Variants in NOL4 observed in about 807,000 individuals in gnomAD.
NOL4 encodes the protein nucleolar protein 4.
In NOL4, 17 loss-of-function variants were observed where a neutral mutation model predicts 75.9. The ratio of observed to expected loss-of-function variants is 0.22; its 90% confidence interval spans 0.15 to 0.34. The LOEUF (loss-of-function observed/expected upper bound fraction) is 0.34. Ranked by LOEUF, NOL4 falls within the 10% of genes least tolerant of loss-of-function variation. The pLI, the probability that NOL4 is intolerant of heterozygous loss-of-function variation, is 1.00. For synonymous variants in NOL4, 292 were observed against 289.9 expected, an observed-to-expected ratio of 1.01 and a Z score of -0.07; for missense variants, 614 against 793.5, an observed-to-expected ratio of 0.77 and a Z score of 2.72.
At chr18:34,121,065 GA>G (rs532084582) in intron 2 of NOL4, among the ~76,000 whole-genome samples, 34 of 152,236 alleles carry the variant, frequency 2.2e-4, no homozygotes, top group African/African-American at 7.5e-4. Context: ...TATATTAGAT[GA>G]AAAAATAAGT....
In NOL4 at chr18:34,187,360, T is replaced by G. The variant is rs1284107583; in HGVS notation, c.264+35630A>C. On this transcript the variant is annotated intron_variant, in intron 1 of 10. Coordinates refer to ENST00000261592, the MANE Select transcript of NOL4 (RefSeq NM_003787.5). ...TCTTCTATGTCTTTTCATGGTTTAA[T>G]AGTCCACTTCTTTTTTTTTTTTTTT... Among the ~76,000 whole-genome samples the G allele has an allele frequency of 3.3e-5, 5 of 149,690 alleles. No homozygotes were observed. The East Asian group carries it at 9.8e-4, about 29-fold the overall frequency.
intron 10 of NOL4, among the ~76,000 whole-genome samples, chr18:33,869,809 A>T (rs1329303543): frequency 6.6e-6 from 1 of 152,200 alleles, no homozygotes; most frequent in African/African-American, 2.4e-5. Flanking sequence ...GATGTAGAAC[A>T]CATGTGTCTG....
intron 1 of NOL4, among the ~76,000 whole-genome samples, chr18:34,142,597 C>T (rs1415933268): frequency 3.3e-5 from 5 of 152,092 alleles, no homozygotes; most frequent in African/African-American, 9.7e-5. Flanking sequence ...AACCAAACAT[C>T]GCATGTTCTC....
At chr18:34,037,493 A>G (rs2075961558) in intron 5 of NOL4, among the ~76,000 whole-genome samples, 1 of 152,192 alleles carries the variant, frequency 6.6e-6, no homozygotes, top group South Asian at 2.1e-4. Flanking sequence ...TGGAGGTATC[A>G]TACTACCTGA....
chr18:33,862,507 T>C (rs933573221), intron 10 of NOL4, among the ~76,000 whole-genome samples: 4 of 152,070 alleles, frequency 2.6e-5, no homozygotes, highest in African/African-American at 9.7e-5. Context: ...GAGAAAATTT[T>C]CGCAACCTAC....
At chr18:34,008,036 G>A (rs936137664) in intron 6 of NOL4, among the ~76,000 whole-genome samples, 20 of 152,114 alleles carry the variant, frequency 1.3e-4, no homozygotes, top group Admixed American at 2.0e-4. Context: ...GGTCAAAGAA[G>A]AATATCACCT....
intron 4 of NOL4, 72 bp from the exon 5 acceptor site, chr18:34,093,669 C>A: frequency 8.7e-7 from 1 of 1,145,514 alleles, no homozygotes; most frequent in Admixed American, 3.2e-5. Flanking sequence ...ATTTTATCTA[C>A]ACAGTCAATT....
intron 9 of NOL4, among the ~76,000 whole-genome samples, chr18:33,910,308 T>A (rs2066319450): frequency 6.6e-6 from 1 of 152,166 alleles, no homozygotes; most frequent in Non-Finnish European, 1.5e-5. Context: ...ACTTGCTCTC[T>A]GGACTCTAGG....
At chr18:34,210,219 A>T (rs958983272) in intron 1 of NOL4, among the ~76,000 whole-genome samples, 2 of 152,224 alleles carry the variant, frequency 1.3e-5, no homozygotes, top group Admixed American at 1.3e-4. Context: ...GAGCATTGCA[A>T]GTGTATAACC....
chr18:34,032,155 G>A (rs1011863232), intron 5 of NOL4, among the ~76,000 whole-genome samples: 1 of 152,192 alleles, frequency 6.6e-6, no homozygotes, highest in Admixed American at 6.5e-5. Context: ...AGCTACCACA[G>A]CAGGTCTTAG....
chr18:34,126,934 A>G (rs1273885691), intron 2 of NOL4, among the ~76,000 whole-genome samples: 1 of 151,992 alleles, frequency 6.6e-6, no homozygotes, highest in African/African-American at 2.4e-5. Flanking sequence ...CTACAGACAA[A>G]TATACTGAAA....
intron 10 of NOL4, among the ~76,000 whole-genome samples, chr18:33,879,625 G>A (rs565168498): frequency 1.3e-5 from 2 of 152,112 alleles, no homozygotes; most frequent in African/African-American, 4.8e-5. Context: ...AGGTAGCAGT[G>A]AGCCAAGGGC....
rs149265539 is a variant in NOL4, at chr18:34,120,258, G to A, written c.414+9613C>T. The stretch of plus-strand genomic sequence containing the variant: ...TCTGCAGGCAGCTTGAAATCATAGT[G>A]CCTATTTAAAGCAAGGCTTTCCAAC... On this transcript the variant is annotated intron_variant, in intron 2 of 10. Coordinates refer to ENST00000261592, the MANE Select transcript of NOL4 (RefSeq NM_003787.5). Among the ~76,000 whole-genome samples, 316 of 152,238 alleles carry A rather than the reference G, an allele frequency of 2.1e-3. 12 individuals are homozygous for A. In the East Asian group the frequency reaches 0.055, roughly 27 times the overall value.
chr18:34,214,278 A>T (rs2036719607), intron 1 of NOL4, among the ~76,000 whole-genome samples: 1 of 152,172 alleles, frequency 6.6e-6, no homozygotes, highest in South Asian at 2.1e-4. Context: ...TATATATTTT[A>T]ATCTCAGCCC....
intron 4 of NOL4, among the ~76,000 whole-genome samples, chr18:34,094,313 A>G (rs2145561478): frequency 6.6e-6 from 1 of 152,334 alleles, no homozygotes; most frequent in African/African-American, 2.4e-5. Context: ...GCCAACTTAT[A>G]TATTAGGTTC....
chr18:33,853,065 A>G (rs747674194), intron 10 of NOL4, 30 bp from the exon 11 acceptor site: 2 of 1,551,918 alleles, frequency 1.3e-6, no homozygotes, highest in Non-Finnish European at 1.7e-6. Context: ...AAAATTAGAC[A>G]TAAATATTAT....
Position 33,883,380 on chromosome 18 carries a change from G to A in NOL4, c.1587C>T (p.Thr529=). The A allele has an allele frequency of 2.5e-6, 4 of 1,612,678 alleles. No homozygotes were observed. The highest frequency in any genetic ancestry group is 3.4e-6 in the Non-Finnish European group (4 of 1,179,374). Residue 529 remains threonine, a synonymous_variant, in exon 10 of 11, where the codon ACC becomes ACT. Transcript: ENST00000261592. ...CAGCTGATGTTGAGTAAGTGGCCTG[G>A]GTCGCCTCTGGTTTACACTGTTTGT... ...PADKQCKPEA[T]QATYSTSAVP...
chr18:34,096,332 A>G (rs2078776682), intron 4 of NOL4, among the ~76,000 whole-genome samples: 1 of 152,048 alleles, frequency 6.6e-6, no homozygotes, highest in South Asian at 2.1e-4. Context: ...TTAGAATTCA[A>G]TTGTTATACT....
chr18:34,135,384 A>C (rs928998298), intron 1 of NOL4, among the ~76,000 whole-genome samples: 2 of 152,082 alleles, frequency 1.3e-5, no homozygotes, highest in Non-Finnish European at 2.9e-5. Flanking sequence ...CACAAGTATA[A>C]AGACAAAATT....
Sources: gnomAD v4.1 joint callset for allele counts (sites outside exome capture counted in the v4.1 genomes callset) on GRCh38, gnomAD v4.1.1 for gene constraint, MANE v1.5 for transcripts, NCBI Gene and HGNC (gene_info 2026-07-23, HGNC 2026-07-21) for gene names.